Variants in KIF13A observed in about 807,000 individuals in gnomAD.
KIF13A encodes kinesin family member 13A.
KIF13A carries 79 observed loss-of-function variants against 212.2 expected under a neutral mutation model. The ratio of observed to expected loss-of-function variants is 0.37; its 90% CI spans 0.31 to 0.45. The LOEUF is 0.45. Ranked by LOEUF, KIF13A falls within the 20% of genes least tolerant of loss-of-function variation. KIF13A has a pLI of 1.00. For missense variants in KIF13A, 1,901 were observed against 2,209.0 expected, an observed-to-expected ratio of 0.86 and a Z score of 2.79; for synonymous variants, 789 against 808.6, an observed-to-expected ratio of 0.98 and a Z score of 0.41.
At chr6:17,765,391 A>C (rs1177764964) in intron 38 of KIF13A, among the ~76,000 whole-genome samples, 1 of 152,234 alleles carries the variant, frequency 6.6e-6, no homozygotes, top group Non-Finnish European at 1.5e-5. Context: ...CTTGGGAAGC[A>C]AAGTGCAGGC....
chr6:17,781,036 T>C (rs1760522199), intron 30 of KIF13A, 130 bp from the exon 31 acceptor site: 1 of 1,374,184 alleles, frequency 7.3e-7, no homozygotes, highest in Admixed American at 2.0e-5. Context: ...CCTCACCTTT[T>C]TTAAACAGCA....
At position 17,856,509 on chromosome 6, in the gene KIF13A, A is replaced by G. The variant is rs995008368; in HGVS notation, c.221-387T>C. On this transcript the variant is annotated intron_variant, in intron 4 of 38. Coordinates refer to ENST00000259711, the MANE Select transcript of KIF13A (RefSeq NM_022113.6). This position sits in a 1 kb window ranked among gnomAD's most constrained non-coding sequence, Gnocchi z 4.5. ...CTGCCACTGAACAAGACCATGTTAT[A>G]CACACCTTGGTATCTCCCTCAGCAC... 1.3e-5 allele frequency among the ~76,000 whole-genome samples: 2 copies of G among 152,218 alleles called. No individual in the cohort carries two copies. The highest frequency in any genetic ancestry group is 2.4e-5 in the African/African-American group (1 of 41,458).
intron 2 of KIF13A, among the ~76,000 whole-genome samples, chr6:17,933,946 T>G (rs1776232478): frequency 6.6e-6 from 1 of 152,238 alleles, no homozygotes; most frequent in Admixed American, 6.5e-5. Context: ...TTAGTCCTGC[T>G]TTTATCTTAT....
rs752311361 is a variant in KIF13A, at chr6:17,831,220, G to A, written c.1282C>T (p.Leu428Phe). Residue 428 changes from leucine to phenylalanine, a missense_variant, in exon 13 of 39, where the codon CTT becomes TTT. Leu to Phe is a conservative substitution (Grantham distance 22). This residue lies in a region of KIF13A where 506 missense variants were observed against 637.4 expected (regional missense o/e 0.79). Coordinates refer to ENST00000259711, the MANE Select transcript of KIF13A (RefSeq NM_022113.6). The part of the protein sequence containing the change: ...EEIAQERQRQ[L>F]ESMGISLEMS... ...TCCAGGGAAATCCCCATGCTTTCAAGTTGTCGTTGTCTTTCCTGTGCACAA... is the reference window on the plus strand; with the variant it reads ...TCCAGGGAAATCCCCATGCTTTCAAATTGTCGTTGTCTTTCCTGTGCACAA... The A allele has an allele frequency of 2.5e-6, 4 of 1,612,360 alleles. No individual in the cohort carries two copies. The African/African-American group carries it at 5.3e-5, about 22-fold the overall frequency.
intron 16 of KIF13A, among the ~76,000 whole-genome samples, chr6:17,817,705 C>T (rs1375642022): frequency 6.6e-6 from 1 of 152,154 alleles, no homozygotes; most frequent in Admixed American, 6.5e-5. Flanking sequence ...ACCACAAATC[C>T]TATTACTATT....
rs1167569315 is a variant in KIF13A at position 17,778,964 on chromosome 6, G to A, written c.4075C>T (p.Leu1359Phe). Residue 1359 changes from leucine to phenylalanine, a missense_variant, in exon 33 of 39, where the codon CTT becomes TTT. Coordinates refer to ENST00000259711, the MANE Select transcript of KIF13A (RefSeq NM_022113.6). ...TTACTTGCCTGCCGGAGCCGTTCAAGACTCAGAATGTTTTCCACCTGCAGC... is the reference window on the plus strand; with the variant it reads ...TTACTTGCCTGCCGGAGCCGTTCAAAACTCAGAATGTTTTCCACCTGCAGC... ...GVLQVENILS[L>F]ERLRQAVTVK... 4 of 1,600,982 alleles carry A rather than the reference G, an allele frequency of 2.5e-6. No homozygotes were observed. Among genetic ancestry groups the A allele is most frequent in the Non-Finnish European group, 3.4e-6 (4 of 1,173,854 alleles).
chr6:17,907,599 C>T (rs769768527), intron 2 of KIF13A, among the ~76,000 whole-genome samples: 30 of 149,848 alleles, frequency 2.0e-4, no homozygotes, highest in Non-Finnish European at 7.4e-5. Context: ...AGTTAGAAGG[C>T]TGCAAACGAC....
rs752007024 is a variant in KIF13A at position 17,900,501 on chromosome 6, A to C, written c.147-2321T>G. 1.1e-4 allele frequency among the ~76,000 whole-genome samples: 16 copies of C among 152,222 alleles called. No individual in the cohort carries two copies. Among genetic ancestry groups the C allele is most frequent in the Non-Finnish European group, 2.2e-4 (15 of 68,044 alleles). On this transcript the variant is annotated intron_variant, in intron 2 of 38. Transcript: ENST00000259711. The surrounding 1 kb of genome is among the most constrained non-coding windows in gnomAD (Gnocchi z 4.6). ...CTACCTTCTTTTGTGTTTCTGAATA[A>C]ATGCTTGTTAAGAACAAATTGAGAC...
chr6:17,927,572 A>T (rs1194721019), intron 2 of KIF13A, among the ~76,000 whole-genome samples: 1 of 152,184 alleles, frequency 6.6e-6, no homozygotes, highest in Non-Finnish European at 1.5e-5. Flanking sequence ...GATGATGAAG[A>T]AGTTCTGAAA....
rs767798014 is a variant in KIF13A at position 17,873,407 on chromosome 6, T to C, written c.190A>G (p.Met64Val). The C allele has an allele frequency of 5.6e-6, 9 of 1,594,868 alleles. No homozygotes were observed. Among genetic ancestry groups the C allele is most frequent in the African/African-American group, 2.7e-5 (2 of 74,592 alleles). ...TATTTTGTAGTGTTAGATTCATCCA[T>C]GGACCAAAAGCAATAATCAAAGGCA... ...VFAFDYCFWS[M>V]DESNTTKYAG... Residue 64 changes from methionine to valine, a missense_variant, in exon 4 of 39, where the codon ATG (methionine) becomes GTG (valine). Around this residue, in one of 5 missense-constraint regions of KIF13A, gnomAD observed 506 missense variants for 637.4 expected, o/e 0.79. Transcript: ENST00000259711.
At position 17,971,915 on chromosome 6, in the gene KIF13A, A is replaced by T. The variant is rs907639433; in HGVS notation, c.146+15139T>A. Among the ~76,000 whole-genome samples the T allele has an allele frequency of 1.2e-4, 18 of 151,916 alleles. No homozygotes were observed. The highest frequency in any genetic ancestry group is 1.9e-4 in the Non-Finnish European group (13 of 67,972). Reference sequence around the variant, plus strand: ...AAATAATAATCTAGCTAGAGAGCTTAAAAAAAATGTCCCTAGGATTACAGT... The same window carrying T: ...AAATAATAATCTAGCTAGAGAGCTTTAAAAAAATGTCCCTAGGATTACAGT... On this transcript the variant is annotated intron_variant, in intron 2 of 38. Transcript: ENST00000259711. This position sits in a 1 kb window ranked among gnomAD's most constrained non-coding sequence, Gnocchi z 4.2.
intron 13 of KIF13A, 147 bp downstream of exon 13, chr6:17,830,954 T>C (rs1765393055): frequency 1.5e-6 from 1 of 664,762 alleles, no homozygotes; most frequent in South Asian, 2.1e-5. Context: ...TCCTTCTCAG[T>C]GGTGATCGGA....
intron 20 of KIF13A, among the ~76,000 whole-genome samples, chr6:17,802,823 G>A (rs1762579266): frequency 6.6e-6 from 1 of 151,826 alleles, no homozygotes; most frequent in Non-Finnish European, 1.5e-5. Flanking sequence ...GCTCACTGCT[G>A]CTTAGACCTA....
At chr6:17,803,050 C>T (rs1389591691) in intron 20 of KIF13A, among the ~76,000 whole-genome samples, 1 of 151,728 alleles carries the variant, frequency 6.6e-6, no homozygotes, top group Non-Finnish European at 1.5e-5. Context: ...TCTCCTGCCT[C>T]AGCCTCCCGA....
chr6:17,775,875 G>A (rs1759924416), intron 34 of KIF13A, among the ~76,000 whole-genome samples: 1 of 151,728 alleles, frequency 6.6e-6, no homozygotes, highest in Non-Finnish European at 1.5e-5. Flanking sequence ...TACTTCATAA[G>A]CAGTTTTTCT....
Position 17,947,227 on chromosome 6 carries a change from A to G in KIF13A, c.146+39827T>C, listed in dbSNP as rs1777479639. Among the ~76,000 whole-genome samples the G allele has an allele frequency of 6.6e-6, 1 of 152,176 alleles. No individual in the cohort carries two copies. Among genetic ancestry groups the G allele is most frequent in the Non-Finnish European group, 1.5e-5 (1 of 68,018 alleles). On this transcript the variant is annotated intron_variant, in intron 2 of 38. Coordinates refer to ENST00000259711, the MANE Select transcript of KIF13A (RefSeq NM_022113.6). The surrounding 1 kb of genome is among the most constrained non-coding windows in gnomAD (Gnocchi z 4.6). The stretch of plus-strand genomic sequence containing the variant: ...GAAGGAGTGGAAATGGGAATAAGTG[A>G]TATAAGAGACAAAAAAGTACAAGTT...
rs958111239 is a variant in KIF13A, at chr6:17,915,902, C to T, written c.147-17722G>A. On this transcript the variant is annotated intron_variant, in intron 2 of 38. Transcript: ENST00000259711. This position sits in a 1 kb window ranked among gnomAD's most constrained non-coding sequence, Gnocchi z 4.4. ...ATTGCAGTAAGCCAAGATGGCACCA[C>T]TGCACTCAAGCCTGGGTGACAGAGA... Among the ~76,000 whole-genome samples, 1 of 150,482 alleles carries T rather than the reference C, an allele frequency of 6.6e-6. No individual in the cohort carries two copies. Among genetic ancestry groups the T allele is most frequent in the Non-Finnish European group, 1.5e-5 (1 of 67,834 alleles).
At chr6:17,781,403 T>C in intron 29 of KIF13A, 102 bp from the exon 30 acceptor site, 3 of 1,235,000 alleles carry the variant, frequency 2.4e-6, no homozygotes, top group Non-Finnish European at 3.3e-6. Flanking sequence ...AGTTTACACA[T>C]AACACATTTT....
intron 2 of KIF13A, among the ~76,000 whole-genome samples, chr6:17,981,501 T>G (rs895876439): frequency 6.7e-6 from 1 of 149,988 alleles, no homozygotes; most frequent in African/African-American, 2.5e-5. Context: ...CTCGGCTCAC[T>G]GCCACCTACG....
Sources: gnomAD v4.1 joint callset for allele counts (sites outside exome capture counted in the v4.1 genomes callset) on GRCh38, gnomAD v4.1.1 for gene constraint, gnomAD v4.1.1 regional missense constraint, Gnocchi (gnomAD v3.1) non-coding constraint, MANE v1.5 for transcripts, NCBI Gene and HGNC (gene_info 2026-07-23, HGNC 2026-07-21) for gene names.